PLEKHA5: variants seen among roughly 807,000 people sequenced by gnomAD.
PLEKHA5 encodes the protein pleckstrin homology domain-containing family A member 5.
Under a neutral mutation model 181.9 loss-of-function variants are expected in PLEKHA5, and 55 were observed. That is an observed-to-expected ratio of 0.30 (90% CI 0.24 to 0.38). The LOEUF is 0.38. PLEKHA5 is among the 10% of genes least tolerant of loss of function. The probability of loss-of-function intolerance (pLI) is 1.00; values close to 1 mark genes in which losing one functional copy is unlikely to be tolerated. For missense variants in PLEKHA5, 1,432 were observed against 1,549.5 expected, an observed-to-expected ratio of 0.92 and a Z score of 1.27; for synonymous variants, 535 against 529.4, an observed-to-expected ratio of 1.01 and a Z score of -0.15.
intron 15 of PLEKHA5, among the ~76,000 whole-genome samples, chr12:19,303,042 C>T (rs1488510097): frequency 6.7e-6 from 1 of 148,372 alleles, no homozygotes; most frequent in East Asian, 2.0e-4. Flanking sequence ...CTGTCTCAGC[C>T]TCCTGAGTGA....
intron 20 of PLEKHA5, among the ~76,000 whole-genome samples, chr12:19,325,687 CAA>C (rs34857231): frequency 5.9e-4 from 80 of 135,462 alleles, no homozygotes; most frequent in Non-Finnish European, 5.3e-4. Context: ...GACTCTGTCT[CAA>C]AAAAAAAAAA....
intron 20 of PLEKHA5, among the ~76,000 whole-genome samples, chr12:19,331,502 G>T (rs1017819007): frequency 5.3e-5 from 8 of 152,058 alleles, no homozygotes; most frequent in African/African-American, 1.9e-4. Flanking sequence ...ACCATGCCCG[G>T]CCATTAATCC....
intron 12 of PLEKHA5, among the ~76,000 whole-genome samples, chr12:19,286,538 A>G (rs929390374): frequency 2.6e-5 from 4 of 152,230 alleles, no homozygotes; most frequent in African/African-American, 9.6e-5. Context: ...AAACAGATAC[A>G]AGAATCCAGC....
intron 3 of PLEKHA5, among the ~76,000 whole-genome samples, chr12:19,173,655 G>A (rs141696469): frequency 2.6e-4 from 39 of 152,232 alleles, no homozygotes; most frequent in African/African-American, 8.2e-4. Flanking sequence ...ATTATCCCAC[G>A]AATCCCTTTG....
rs2151574339 is a variant in PLEKHA5 at position 19,166,251 on chromosome 12, C to G, written c.227+33801C>G. ...AGGGTTGAAGAAAGTTCAACTTAAA[C>G]TTAACATTTGACTGAATTTTATCTG... On this transcript the variant is annotated intron_variant, in intron 3 of 31. Transcript: ENST00000429027. Among the ~76,000 whole-genome samples, 3 of 152,244 alleles carry G rather than the reference C, an allele frequency of 2.0e-5. No homozygotes were observed. In the South Asian group the frequency reaches 6.2e-4, roughly 32 times the overall value.
chr12:19,173,630 C>G (rs771407494), intron 3 of PLEKHA5, among the ~76,000 whole-genome samples: 19 of 152,146 alleles, frequency 1.2e-4, no homozygotes, highest in Middle Eastern at 3.2e-3. Context: ...AAATCACTCA[C>G]TATTTGAAGC....
At chr12:19,274,088 A>G (rs2073875540) in intron 10 of PLEKHA5, among the ~76,000 whole-genome samples, 1 of 152,190 alleles carries the variant, frequency 6.6e-6, no homozygotes, top group Non-Finnish European at 1.5e-5. Context: ...TTCCTGTTGC[A>G]GCCATTTCCA....
intron 15 of PLEKHA5, among the ~76,000 whole-genome samples, chr12:19,310,596 C>T (rs563026550): frequency 1.6e-4 from 19 of 117,330 alleles, no homozygotes; most frequent in African/African-American, 5.9e-4. Context: ...TGTGACAGAG[C>T]GAGACTCCCT....
chr12:19,274,444 C>T, intron 10 of PLEKHA5, 72 bp from the exon 11 acceptor site: 1 of 1,081,926 alleles, frequency 9.2e-7, no homozygotes, highest in Non-Finnish European at 1.3e-6. Flanking sequence ...ATAATTTTTC[C>T]TAGATTGAAT....
intron 3 of PLEKHA5, among the ~76,000 whole-genome samples, chr12:19,186,638 T>C (rs1251912380): frequency 6.6e-6 from 1 of 152,326 alleles, no homozygotes; most frequent in East Asian, 1.9e-4. Context: ...ACATTCCCTC[T>C]GGTCATGTTT....
At chr12:19,167,839 T>C (rs2044873761) in intron 3 of PLEKHA5, among the ~76,000 whole-genome samples, 3 of 152,120 alleles carry the variant, frequency 2.0e-5, no homozygotes, top group Non-Finnish European at 4.4e-5. Flanking sequence ...GACACACCAC[T>C]TGATATTTTC....
At chr12:19,254,261 C>G (rs529445482) in intron 4 of PLEKHA5, among the ~76,000 whole-genome samples, 1 of 152,082 alleles carries the variant, frequency 6.6e-6, no homozygotes, top group African/African-American at 2.4e-5. Context: ...GCTCAAGAAC[C>G]CGGGATGCAA....
intron 24 of PLEKHA5, 99 bp from the exon 25 acceptor site, chr12:19,348,300 G>T (rs1319961609): frequency 3.6e-6 from 3 of 831,458 alleles, no homozygotes; most frequent in East Asian, 2.8e-5. Context: ...GCTCACTAGG[G>T]CTACTAATGT....
intron 4 of PLEKHA5, 39 bp from the exon 5 acceptor site, chr12:19,255,006 A>G (rs1411815238): frequency 3.2e-6 from 5 of 1,569,602 alleles, no homozygotes; most frequent in Non-Finnish European, 4.3e-6. Context: ...AGCGGGTTAC[A>G]TACACAGCAA....
At chr12:19,367,564 T>G (rs1391034402) in intron 30 of PLEKHA5, among the ~76,000 whole-genome samples, 1 of 151,574 alleles carries the variant, frequency 6.6e-6, no homozygotes, top group Non-Finnish European at 1.5e-5. Context: ...CAGCTTTGCT[T>G]CTTTTTTATT....
intron 3 of PLEKHA5, among the ~76,000 whole-genome samples, chr12:19,229,438 A>G (rs1035807585): frequency 4.6e-5 from 7 of 152,092 alleles, no homozygotes; most frequent in Non-Finnish European, 8.8e-5. Flanking sequence ...CACTGGCTTC[A>G]GGAGTGAAGC....
intron 28 of PLEKHA5, among the ~76,000 whole-genome samples, chr12:19,360,005 T>C (rs1191252765): frequency 6.6e-6 from 1 of 151,520 alleles, no homozygotes; most frequent in Non-Finnish European, 1.5e-5. Context: ...TAAGCTTTCT[T>C]TAGTTTGATT....
intron 15 of PLEKHA5, among the ~76,000 whole-genome samples, chr12:19,297,323 TAA>T (rs765630231): frequency 2.8e-5 from 4 of 142,318 alleles, no homozygotes; most frequent in African/African-American, 7.6e-5. Context: ...ATAGTACAGT[TAA>T]AAAAAAAAAA....
intron 3 of PLEKHA5, among the ~76,000 whole-genome samples, chr12:19,133,053 A>T (rs1591760163): frequency 6.6e-6 from 1 of 151,866 alleles, no homozygotes; most frequent in East Asian, 1.9e-4. Context: ...TAAAAATAGA[A>T]ATAGTTACTG....
Sources: allele counts gnomAD v4.1 joint callset (sites outside exome capture counted in the v4.1 genomes callset), GRCh38; gene constraint gnomAD v4.1.1; transcripts MANE v1.5; gene names NCBI Gene and HGNC (gene_info 2026-07-23, HGNC 2026-07-21).